The following MAP4K3 variants were observed in gnomAD, a reference collection of about 807,000 sequenced individuals.
MAP4K3 encodes MAPK/ERK kinase kinase kinase 3.
A neutral mutation model predicts 143.5 loss-of-function variants in MAP4K3; 94 were observed. The ratio of observed to expected loss-of-function variants is 0.65; its 90% confidence interval spans 0.55 to 0.78. MAP4K3 has a LOEUF of 0.78. MAP4K3 is among the 30% of genes least tolerant of loss of function. MAP4K3 has a pLI of 0.00. For synonymous variants in MAP4K3, 416 were observed against 347.2 expected, an observed-to-expected ratio of 1.20 and a Z score of -2.20; for missense variants, 1,077 against 1,068.1, an observed-to-expected ratio of 1.01 and a Z score of -0.12.
At chr2:39,434,908 T>C (rs1247963058) in intron 1 of MAP4K3, among the ~76,000 whole-genome samples, 1 of 152,220 alleles carries the variant, frequency 6.6e-6, no homozygotes, top group Non-Finnish European at 1.5e-5. Flanking sequence ...ACCAACTTAG[T>C]ATACCTCTAT....
intron 2 of MAP4K3, among the ~76,000 whole-genome samples, chr2:39,356,804 T>C (rs376355372): frequency 6.6e-6 from 1 of 152,260 alleles, no homozygotes; most frequent in African/African-American, 2.4e-5. Context: ...ATCATCGGTA[T>C]AATCCATCAA....
chr2:39,337,920 T>C (rs1463209208), intron 4 of MAP4K3, among the ~76,000 whole-genome samples: 1 of 151,914 alleles, frequency 6.6e-6, no homozygotes, highest in African/African-American at 2.4e-5. Flanking sequence ...CCACCACACC[T>C]GGCTAGTTTA....
chr2:39,408,141 T>C (rs1667144592), intron 1 of MAP4K3, among the ~76,000 whole-genome samples: 1 of 151,672 alleles, frequency 6.6e-6, no homozygotes, highest in African/African-American at 2.4e-5. Context: ...AAGCAAAAAA[T>C]AAAAAAAACC....
chr2:39,391,621 C>T (rs956146034), intron 1 of MAP4K3, among the ~76,000 whole-genome samples: 2 of 152,106 alleles, frequency 1.3e-5, no homozygotes, highest in Non-Finnish European at 2.9e-5. Flanking sequence ...ATATCCTTGG[C>T]ACCTTGAACA....
At chr2:39,281,206 G>C (rs1188979935) in intron 22 of MAP4K3, among the ~76,000 whole-genome samples, 1 of 152,170 alleles carries the variant, frequency 6.6e-6, no homozygotes, top group Non-Finnish European at 1.5e-5. Context: ...AACAGCATTT[G>C]TGCATCATTT....
intron 22 of MAP4K3, among the ~76,000 whole-genome samples, chr2:39,281,520 CTG>C (rs1309501838): frequency 3.3e-5 from 5 of 152,112 alleles, no homozygotes; most frequent in Admixed American, 1.3e-4. Context: ...ACGGAAATTT[CTG>C]TGTTAGGGTA....
At chr2:39,405,418 T>C (rs543628391) in intron 1 of MAP4K3, among the ~76,000 whole-genome samples, 2 of 152,176 alleles carry the variant, frequency 1.3e-5, no homozygotes, top group Non-Finnish European at 2.9e-5. Context: ...CCAAGTCCTT[T>C]TGAATATCTG....
intron 13 of MAP4K3, among the ~76,000 whole-genome samples, chr2:39,313,421 C>T (rs1683005897): frequency 6.6e-6 from 1 of 152,078 alleles, no homozygotes; most frequent in Admixed American, 6.6e-5. Flanking sequence ...CCCTTTGTGT[C>T]CATGAATTCT....
At chr2:39,356,005 G>A (rs745650243) in intron 3 of MAP4K3, among the ~76,000 whole-genome samples, 4 of 152,176 alleles carry the variant, frequency 2.6e-5, no homozygotes, top group East Asian at 1.9e-4. Context: ...AAGACTAACC[G>A]TAAGGTTTTT....
Position 39,267,266 on chromosome 2 carries a change from G to A in MAP4K3, c.1974-19C>T, listed in dbSNP as rs763745271. 2 of 1,595,042 alleles carry A rather than the reference G, an allele frequency of 1.3e-6. No homozygotes were observed. The highest frequency in any genetic ancestry group is 3.3e-5 in the Admixed American group (2 of 59,980). On this transcript the variant is annotated intron_variant, in intron 26 of 33. Transcript: ENST00000263881. ...AAATTTCCTAAATGTAAATAAAAGTGAGTACGTAATATATGTAGGCAAACT... is the reference window on the plus strand; with the variant it reads ...AAATTTCCTAAATGTAAATAAAAGTAAGTACGTAATATATGTAGGCAAACT...
At chr2:39,340,033 T>A (rs1259781406) in intron 4 of MAP4K3, among the ~76,000 whole-genome samples, 2 of 133,052 alleles carry the variant, frequency 1.5e-5, no homozygotes, top group African/African-American at 8.4e-5. Context: ...TAGAAAAAAA[T>A]CCTATTATGT....
chr2:39,369,205 G>GTTTTTTTT (rs68013609), intron 2 of MAP4K3, among the ~76,000 whole-genome samples: 5 of 125,368 alleles, frequency 4.0e-5, no homozygotes, highest in African/African-American at 9.5e-5. Context: ...TTTTTTTTTT[G>GTTTTTTTT]TTTTTTTTGA....
In MAP4K3 at chr2:39,424,355, G is replaced by T. The variant is rs79275413; in HGVS notation, c.96+12537C>A. On this transcript the variant is annotated intron_variant, in intron 1 of 33. Coordinates refer to ENST00000263881, the MANE Select transcript of MAP4K3 (RefSeq NM_003618.4). ...GGGGAATTAGAATCAAGGTGGGAGG[G>T]GATGGAGGAAGGAAGTCTAGTGGAT... Among the ~76,000 whole-genome samples the T allele has an allele frequency of 4.4e-3, 674 of 152,158 alleles. 8 individuals carry two copies. Among genetic ancestry groups the T allele is most frequent in the East Asian group, 0.013 (68 of 5,164 alleles).
Position 39,318,999 on chromosome 2 carries a change from C to T in MAP4K3, c.919-3611G>A, listed in dbSNP as rs537549017. Among the ~76,000 whole-genome samples the T allele has an allele frequency of 5.9e-5, 9 of 152,182 alleles. No homozygotes were observed. In the East Asian group the frequency reaches 1.7e-3, roughly 29 times the overall value. On this transcript the variant is annotated intron_variant, in intron 12 of 33. Transcript: ENST00000263881. ...TGGGGACATTTTTTTGTTGTCACAA[C>T]TTGGGATTAAAGGGTGTTAACTGGC...
chr2:39,349,205 T>C (rs1020789037), intron 3 of MAP4K3, among the ~76,000 whole-genome samples: 5 of 152,210 alleles, frequency 3.3e-5, no homozygotes, highest in Admixed American at 3.3e-4. Context: ...CAAAGTTTAG[T>C]AACTGCTAGA....
intron 1 of MAP4K3, among the ~76,000 whole-genome samples, chr2:39,427,804 G>A (rs900396352): frequency 6.6e-6 from 1 of 150,872 alleles, no homozygotes; most frequent in Non-Finnish European, 1.5e-5. Context: ...TACATTGTAG[G>A]TCAAGTGAGT....
At position 39,258,385 on chromosome 2, in the gene MAP4K3, T is replaced by C; in HGVS notation, c.2433A>G (p.Ser811=). Residue 811 remains serine (S), a synonymous_variant, in exon 31 of 34, where the codon TCA becomes TCG. Coordinates refer to ENST00000263881, the MANE Select transcript of MAP4K3 (RefSeq NM_003618.4). The part of the protein sequence containing the change: ...QGRLKSSRKL[S]SELTFDFQIE... ...TCTGGAAATCAAAGGTGAGTTCTGA[T>C]GACAATTTCCTGCTAGATTTTAATC... is the stretch of plus-strand genomic sequence containing the variant. The C allele has an allele frequency of 6.2e-7, 1 of 1,610,918 alleles. No individual in the cohort carries two copies. Among genetic ancestry groups the C allele is most frequent in the Non-Finnish European group, 8.5e-7 (1 of 1,178,630 alleles).
chr2:39,263,397 C>A (rs1434460524), intron 28 of MAP4K3, among the ~76,000 whole-genome samples: 1 of 149,860 alleles, frequency 6.7e-6, no homozygotes, highest in Non-Finnish European at 1.5e-5. Context: ...CTCAGCCTCC[C>A]GAGTAGCTGG....
At chr2:39,373,439 C>T (rs1461478318) in intron 2 of MAP4K3, among the ~76,000 whole-genome samples, 1 of 152,104 alleles carries the variant, frequency 6.6e-6, no homozygotes, top group East Asian at 1.9e-4. Context: ...CTCCTAGATA[C>T]ATACTCAAAA....
Sources: gnomAD v4.1 joint callset for allele counts (sites outside exome capture counted in the v4.1 genomes callset) on GRCh38, gnomAD v4.1.1 for gene constraint, MANE v1.5 for transcripts, NCBI Gene and HGNC (gene_info 2026-07-23, HGNC 2026-07-21) for gene names.